BMPR1A: variants seen among roughly 807,000 people sequenced by gnomAD.
BMPR1A encodes bone morphogenetic protein receptor type 1A, also known as bone morphogenetic protein receptor type-1A.
BMPR1A carries 7 observed loss-of-function variants against 66.0 expected under a neutral mutation model. The observed-to-expected ratio is 0.11, with a 90% CI of 0.06 to 0.20. BMPR1A has a LOEUF of 0.20. BMPR1A is among the 10% of genes least tolerant of loss of function. The pLI is 1.00. For synonymous variants in BMPR1A, 200 were observed against 229.7 expected, an observed-to-expected ratio of 0.87 and a Z score of 1.17; for missense variants, 408 against 669.1, an observed-to-expected ratio of 0.61 and a Z score of 4.31.
downstream of BMPR1A, chr10:86,928,172 C>CAGG (rs1375630873): frequency 6.5e-6 from 1 of 154,180 alleles, no homozygotes; most frequent in Non-Finnish European, 1.4e-5. Flanking sequence ...TATCACGGTG[C>CAGG]AGGGGTTTTT....
At chr10:86,868,791 T>TTTTTTTTTTTTTA (rs397742839) in intron 2 of BMPR1A, among the ~76,000 whole-genome samples, 1 of 151,716 alleles carries the variant, frequency 6.6e-6, no homozygotes, top group South Asian at 2.1e-4. Context: ...TTTTTTTTTT[T>TTTTTTTTTTTTTA]AAGTTCCAAT....
intron 7 of BMPR1A, among the ~76,000 whole-genome samples, chr10:86,902,288 T>TCATTTTGGGGGGCCTG (rs1269976796): frequency 1.3e-5 from 2 of 152,176 alleles, no homozygotes; most frequent in Non-Finnish European, 2.9e-5. Flanking sequence ...TTGCATAGAT[T>TCATTTTGGGGGGCCTG]TTTTTCTCTT....
chr10:86,837,286 T>G (rs1160921367), intron 1 of BMPR1A, among the ~76,000 whole-genome samples: 1 of 149,694 alleles, frequency 6.7e-6, no homozygotes, highest in Non-Finnish European at 1.5e-5. Context: ...ATCAGGCTGG[T>G]CTCGAACTCC....
At chr10:86,856,340 C>A in intron 2 of BMPR1A, 1 of 414,506 alleles carries the variant, frequency 2.4e-6, no homozygotes. Flanking sequence ...GGGCAGTCAG[C>A]CATGGGAGAG....
At chr10:86,814,130 G>C (rs1842004577) in intron 1 of BMPR1A, among the ~76,000 whole-genome samples, 2 of 151,748 alleles carry the variant, frequency 1.3e-5, no homozygotes, top group South Asian at 4.2e-4. Flanking sequence ...GATTATTTTG[G>C]CCCAGTATTT....
chr10:86,897,028 G>A (rs745842241), intron 5 of BMPR1A, among the ~76,000 whole-genome samples: 10 of 152,108 alleles, frequency 6.6e-5, no homozygotes, highest in Non-Finnish European at 1.3e-4. Flanking sequence ...ACCAGGCCTC[G>A]CGTTCTTCCA....
At chr10:86,786,071 C>G (rs985975486) in intron 1 of BMPR1A, among the ~76,000 whole-genome samples, 2 of 152,184 alleles carry the variant, frequency 1.3e-5, no homozygotes, top group African/African-American at 4.8e-5. Flanking sequence ...CTGCAAAGCT[C>G]CTGCCACTAC....
At chr10:86,853,110 A>G (rs1461579764) in intron 2 of BMPR1A, among the ~76,000 whole-genome samples, 1 of 152,224 alleles carries the variant, frequency 6.6e-6, no homozygotes, top group Non-Finnish European at 1.5e-5. Context: ...GAATCACTTT[A>G]TACCAATAAA....
At chr10:86,809,756 CT>C (rs985536606) in intron 1 of BMPR1A, among the ~76,000 whole-genome samples, 4 of 151,890 alleles carry the variant, frequency 2.6e-5, no homozygotes, top group African/African-American at 9.7e-5. Flanking sequence ...AACAGAAACT[CT>C]TTACCCATTA....
chr10:86,823,568 G>A (rs1842152177), intron 1 of BMPR1A, among the ~76,000 whole-genome samples: 1 of 152,216 alleles, frequency 6.6e-6, no homozygotes, highest in Non-Finnish European at 1.5e-5. Flanking sequence ...TGGCTGCTGA[G>A]GATTCTGTAT....
At chr10:86,853,310 C>A (rs1416921371) in intron 2 of BMPR1A, among the ~76,000 whole-genome samples, 7 of 148,760 alleles carry the variant, frequency 4.7e-5, no homozygotes, top group Non-Finnish European at 1.0e-4. Flanking sequence ...AAAAAAAAAA[C>A]AGGCCTCTTC....
At chr10:86,809,356 C>A (rs1841935057) in intron 1 of BMPR1A, among the ~76,000 whole-genome samples, 1 of 151,262 alleles carries the variant, frequency 6.6e-6, no homozygotes, top group Non-Finnish European at 1.5e-5. Context: ...GTGGCACAAT[C>A]ATAGCTCACT....
intron 2 of BMPR1A, among the ~76,000 whole-genome samples, chr10:86,865,107 CGCCCAGATG>C (rs1842767044): frequency 7.3e-6 from 1 of 137,562 alleles, no homozygotes; most frequent in African/African-American, 3.3e-5. Flanking sequence ...TGCACATATA[CGCCCAGATG>C]GCCTGAAGTA....
At chr10:86,788,751 G>A (rs1223691314) in intron 1 of BMPR1A, among the ~76,000 whole-genome samples, 1 of 151,990 alleles carries the variant, frequency 6.6e-6, no homozygotes, top group Non-Finnish European at 1.5e-5. Context: ...GGGATTACAG[G>A]TGCCTGCACC....
intron 2 of BMPR1A, among the ~76,000 whole-genome samples, chr10:86,867,279 T>C (rs1416259537): frequency 6.6e-6 from 1 of 152,224 alleles, no homozygotes; most frequent in Non-Finnish European, 1.5e-5. Flanking sequence ...AACCAGTAAG[T>C]ATAGATAGTG....
intron 1 of BMPR1A, among the ~76,000 whole-genome samples, chr10:86,771,231 AAG>A (rs1349350244): frequency 6.6e-6 from 1 of 152,248 alleles, no homozygotes; most frequent in African/African-American, 2.4e-5. Flanking sequence ...ATAACATAAA[AAG>A]CACTCAAAAA....
At chr10:86,795,881 T>C (rs748520359) in intron 1 of BMPR1A, among the ~76,000 whole-genome samples, 1 of 152,212 alleles carries the variant, frequency 6.6e-6, no homozygotes, top group Non-Finnish European at 1.5e-5. Context: ...AACATCAATT[T>C]ATCTCAAATT....
chr10:86,922,828 C>T (rs1221893994), intron 11 of BMPR1A, among the ~76,000 whole-genome samples: 6 of 152,262 alleles, frequency 3.9e-5, no homozygotes, highest in African/African-American at 1.4e-4. Context: ...TTTGCACAAG[C>T]AGCCCAGGAG....
intron 1 of BMPR1A, among the ~76,000 whole-genome samples, chr10:86,800,697 G>A (rs1003732752): frequency 1.3e-5 from 2 of 152,156 alleles, no homozygotes; most frequent in African/African-American, 2.4e-5. Flanking sequence ...CTGGCCAGGC[G>A]ATTTGTGTTT....
Sources: allele counts gnomAD v4.1 joint callset (sites outside exome capture counted in the v4.1 genomes callset), GRCh38; gene constraint gnomAD v4.1.1; transcripts MANE v1.5; gene names NCBI Gene and HGNC (gene_info 2026-07-23, HGNC 2026-07-21).